CACUL1: variants seen among roughly 807,000 people sequenced by gnomAD.
CACUL1 encodes CDK2 associated cullin domain 1.
In CACUL1, 13 loss-of-function variants were observed where a neutral mutation model predicts 45.2. The ratio of observed to expected loss-of-function variants is 0.29; its 90% CI spans 0.19 to 0.46. CACUL1 has a LOEUF of 0.46. CACUL1 is among the 20% of genes least tolerant of loss of function. CACUL1 has a pLI of 1.00. For synonymous variants in CACUL1, 197 were observed against 174.2 expected (o/e 1.13, Z -1.03); for missense variants, 421 against 471.4 (o/e 0.89, Z 0.99).
intron 5 of CACUL1, among the ~76,000 whole-genome samples, chr10:118,699,943 C>G (rs1378438100): frequency 6.6e-6 from 1 of 151,850 alleles, no homozygotes; most frequent in Admixed American, 6.6e-5. Flanking sequence ...CCACTGCGCC[C>G]GGCCAAGACA....
At chr10:118,697,863 G>A (rs78905018) in intron 5 of CACUL1, among the ~76,000 whole-genome samples, 4 of 152,122 alleles carry the variant, frequency 2.6e-5, no homozygotes, top group Non-Finnish European at 4.4e-5. Context: ...ACCAACATAC[G>A]ACGTAAATAC....
At chr10:118,712,093 A>C (rs1686246130) in intron 3 of CACUL1, among the ~76,000 whole-genome samples, 1 of 152,258 alleles carries the variant, frequency 6.6e-6, no homozygotes, top group African/African-American at 2.4e-5. Context: ...GAAAACAAGA[A>C]AAAAACTGCC....
intron 6 of CACUL1, chr10:118,693,768 C>A (rs1218122870): frequency 2.2e-6 from 1 of 456,498 alleles, no homozygotes; most frequent in Admixed American, 2.4e-5. Context: ...AGAAAAGTAT[C>A]AGTTTATTGG....
chr10:118,702,975 T>A lies in CACUL1; in HGVS notation c.694-1567A>T, dbSNP rs143067199. ...TCACTGATTCTCTCTTAATTTAATT[T>A]AAAAAATTTTTTTTGGAGATAGTGT... On this transcript the variant is annotated intron_variant, in intron 4 of 8. Coordinates refer to ENST00000369151, the MANE Select transcript of CACUL1 (RefSeq NM_153810.5). Among the ~76,000 whole-genome samples the A allele has an allele frequency of 4.1e-3, 622 of 152,310 alleles. 7 individuals carry two copies. The highest frequency in any genetic ancestry group is 0.014 in the African/African-American group (599 of 41,562).
intron 7 of CACUL1, among the ~76,000 whole-genome samples, chr10:118,688,416 C>T (rs1018140856): frequency 6.6e-6 from 1 of 152,200 alleles, no homozygotes; most frequent in African/African-American, 2.4e-5. Context: ...GGAACCTCGA[C>T]TTATAGACAC....
chr10:118,725,955 C>G (rs543404743), intron 3 of CACUL1, among the ~76,000 whole-genome samples: 3 of 152,144 alleles, frequency 2.0e-5, no homozygotes, highest in Non-Finnish European at 2.9e-5. Flanking sequence ...ACTATACAAA[C>G]CCACAGCTAT....
intron 6 of CACUL1, among the ~76,000 whole-genome samples, chr10:118,694,049 A>G (rs781679832): frequency 2.0e-5 from 3 of 152,188 alleles, no homozygotes; most frequent in Non-Finnish European, 4.4e-5. Context: ...TATTTTTAGT[A>G]GAGACGAGGT....
Position 118,679,221 on chromosome 10 carries a change from GAGAC to G in CACUL1, c.*6903_*6906del. On this transcript the variant is annotated 3_prime_UTR_variant, in exon 9 of 9. Transcript: ENST00000369151. The stretch of plus-strand genomic sequence containing the variant: ...CGCCCAACTTTTTTTGTGTTTTTTT[GAGAC>G]AGAGTCTCGCTCTGTTGCTCAGGCC... 1 of 151,828 alleles carries G rather than the reference GAGAC, an allele frequency of 6.6e-6. No individual in the cohort carries two copies. The highest frequency in any genetic ancestry group is 2.1e-4 in the South Asian group (1 of 4,802). 9.4% of individuals were successfully genotyped at this position (151,828 alleles called of 1,614,324 possible).
intron 3 of CACUL1, among the ~76,000 whole-genome samples, chr10:118,720,673 T>C (rs1026358237): frequency 6.6e-6 from 1 of 152,340 alleles, no homozygotes; most frequent in Middle Eastern, 3.4e-3. Context: ...AGCCAGCATA[T>C]GTTTTTGTAA....
At chr10:118,701,610 G>A in intron 4 of CACUL1, among the ~76,000 whole-genome samples, 1 of 152,106 alleles carries the variant, frequency 6.6e-6, no homozygotes, top group Non-Finnish European at 1.5e-5. Flanking sequence ...AAAATGTTTT[G>A]AACTATACAT....
intron 3 of CACUL1, among the ~76,000 whole-genome samples, chr10:118,712,108 AAAT>A (rs1295961368): frequency 1.3e-5 from 2 of 152,242 alleles, no homozygotes; most frequent in Admixed American, 6.5e-5. Flanking sequence ...ACTGCCAGAA[AAAT>A]AATAACCATT....
In CACUL1 at chr10:118,683,588, AG is replaced by A. The variant is rs1367246747; in HGVS notation, c.*2539del. 1 of 152,032 alleles carries A rather than the reference AG, an allele frequency of 6.6e-6. No homozygotes were observed. The highest frequency in any genetic ancestry group is 2.4e-5 in the African/African-American group (1 of 41,392). 9.4% of individuals were successfully genotyped at this position (152,032 alleles called of 1,614,324 possible). On this transcript the variant is annotated 3_prime_UTR_variant, in exon 9 of 9. Transcript: ENST00000369151. The stretch of plus-strand genomic sequence containing the variant: ...CACGTGCCTGTAATTCCAGCTACTC[AG>A]GAGGCCGAGGCAGGAGAATCACTTG...
intron 1 of CACUL1, 114 bp downstream of exon 1, chr10:118,754,282 G>A (rs1394017712): frequency 5.7e-6 from 8 of 1,398,500 alleles, no homozygotes; most frequent in East Asian, 2.8e-5. Flanking sequence ...ACGGGGAGAA[G>A]AGGAAAGACC....
intron 3 of CACUL1, among the ~76,000 whole-genome samples, chr10:118,708,523 G>C (rs917925327): frequency 6.6e-6 from 1 of 152,062 alleles, no homozygotes; most frequent in Admixed American, 6.6e-5. Flanking sequence ...ACCATCAAGA[G>C]AGAACACTAC....
intron 1 of CACUL1, among the ~76,000 whole-genome samples, chr10:118,733,709 C>T (rs371713601): frequency 6.6e-6 from 1 of 152,138 alleles, no homozygotes. Context: ...GAAAAGCTTA[C>T]ACTCACCAAA....
intron 1 of CACUL1, among the ~76,000 whole-genome samples, chr10:118,750,491 A>G (rs79831842): frequency 0.015 from 2,219 of 152,294 alleles, 51 homozygotes; most frequent in African/African-American, 0.05. Flanking sequence ...ACTGTGACAA[A>G]TCAACACCAT....
chr10:118,722,131 T>C (rs996908894), intron 3 of CACUL1, among the ~76,000 whole-genome samples: 3 of 151,414 alleles, frequency 2.0e-5, no homozygotes, highest in African/African-American at 7.3e-5. Context: ...TCACCCAGGC[T>C]AGAGTGCAAT....
chr10:118,692,037 T>G (rs1845276486), intron 6 of CACUL1, among the ~76,000 whole-genome samples: 1 of 152,062 alleles, frequency 6.6e-6, no homozygotes, highest in African/African-American at 2.4e-5. Context: ...CAAACAATTC[T>G]GAGTGGGAGG....
intron 3 of CACUL1, among the ~76,000 whole-genome samples, chr10:118,721,109 T>A (rs1845595549): frequency 6.6e-6 from 1 of 152,248 alleles, no homozygotes; most frequent in South Asian, 2.1e-4. Flanking sequence ...TTTCTTAGAA[T>A]ACACTTTGTA....
Sources: gnomAD v4.1 joint callset for allele counts (sites outside exome capture counted in the v4.1 genomes callset) on GRCh38, gnomAD v4.1.1 for gene constraint, MANE v1.5 for transcripts, NCBI Gene and HGNC (gene_info 2026-07-23, HGNC 2026-07-21) for gene names.